The following DRD2 variants were observed in gnomAD, a reference collection of about 807,000 sequenced individuals.
DRD2 encodes D(2) dopamine receptor.
Under a neutral mutation model 38.0 loss-of-function variants are expected in DRD2, and 8 were observed. That is an observed-to-expected ratio of 0.21 (90% CI 0.12 to 0.38). The LOEUF is 0.38. Ranked by LOEUF, DRD2 falls within the 10% of genes least tolerant of loss-of-function variation. The pLI is 1.00. For synonymous variants in DRD2, 230 were observed against 238.6 expected (o/e 0.96, Z 0.33); for missense variants, 403 against 607.7 (o/e 0.66, Z 3.54).
intron 1 of DRD2, among the ~76,000 whole-genome samples, chr11:113,431,969 G>A (rs148379529): frequency 2.0e-5 from 3 of 152,228 alleles, no homozygotes; most frequent in African/African-American, 7.2e-5. Context: ...TAGAGGAGGG[G>A]ACAGGGAGTG....
intron 1 of DRD2, among the ~76,000 whole-genome samples, chr11:113,435,150 T>C (rs1193158659): frequency 6.6e-6 from 1 of 152,142 alleles, no homozygotes; most frequent in Non-Finnish European, 1.5e-5. Flanking sequence ...CCTTACCTTG[T>C]TGCAGGCCTC....
In DRD2 at chr11:113,416,957, G is replaced by A. The variant is rs1000523005; in HGVS notation, c.438C>T (p.Tyr146=). 6.2e-7 allele frequency: 1 copy of A among 1,614,044 alleles called. No homozygotes were observed. The highest frequency in any genetic ancestry group is 1.3e-5 in the African/African-American group (1 of 74,942). ...VAMPMLYNTR[Y]SSKRRVTVMI... is the part of the protein sequence containing the mutation. ...TGACGGTGACCCGGCGCTTGGAGCT[G>A]TAGCGCGTATTGTACAGCATGGGCA... The change falls in exon 4 of 8, where the codon TAC becomes TAT. Residue 146 remains tyrosine, a synonymous_variant. Coordinates refer to ENST00000362072, the MANE Select transcript of DRD2 (RefSeq NM_000795.4).
chr11:113,420,072 GTACCACTGGGCAGAAAACCAGCAC>G (rs1215491946), intron 2 of DRD2, among the ~76,000 whole-genome samples: 1 of 152,134 alleles, frequency 6.6e-6, no homozygotes, highest in Non-Finnish European at 1.5e-5. Context: ...TGCCTTTAGG[GTACCACTGGGCAGAAAACCAGCAC>G]TACCTGATTT....
At chr11:113,412,471 TC>T in intron 7 of DRD2, 84 bp downstream of exon 7, 1 of 1,527,622 alleles carries the variant, frequency 6.5e-7, no homozygotes, top group Non-Finnish European at 8.9e-7. Context: ...AGCCCCATGA[TC>T]CTGCAGCCAT....
chr11:113,461,251 C>T (rs938734604), intron 1 of DRD2, among the ~76,000 whole-genome samples: 1 of 152,180 alleles, frequency 6.6e-6, no homozygotes, highest in Non-Finnish European at 1.5e-5. Context: ...TACAGACTGG[C>T]CAGCTGGGCA....
At chr11:113,421,380 G>A (rs1226459100) in intron 2 of DRD2, among the ~76,000 whole-genome samples, 1 of 152,146 alleles carries the variant, frequency 6.6e-6, no homozygotes, top group Non-Finnish European at 1.5e-5. Flanking sequence ...ACCTCGGAGT[G>A]CTCAGTCAGT....
chr11:113,416,584 C>T (rs1950829603), intron 4 of DRD2, among the ~76,000 whole-genome samples: 1 of 152,216 alleles, frequency 6.6e-6, no homozygotes, highest in Non-Finnish European at 1.5e-5. Context: ...AACTTAATAA[C>T]CAAAGTTGAA....
At chr11:113,443,837 T>C (rs1308264000) in intron 1 of DRD2, among the ~76,000 whole-genome samples, 1 of 152,172 alleles carries the variant, frequency 6.6e-6, no homozygotes, top group Non-Finnish European at 1.5e-5. Flanking sequence ...ACCTAACTAG[T>C]TATCTAATAT....
intron 2 of DRD2, 86 bp downstream of exon 2, chr11:113,424,281 A>C: frequency 2.0e-6 from 3 of 1,469,394 alleles, no homozygotes; most frequent in Non-Finnish European, 2.8e-6. Flanking sequence ...ACTCATTGGT[A>C]AAAGCCAGTG....
At chr11:113,435,369 G>A (rs111931564) in intron 1 of DRD2, among the ~76,000 whole-genome samples, 3 of 152,088 alleles carry the variant, frequency 2.0e-5, no homozygotes, top group Non-Finnish European at 2.9e-5. Context: ...GATGCTGAGC[G>A]GGGTGGTGGC....
intron 1 of DRD2, among the ~76,000 whole-genome samples, chr11:113,430,028 G>A (rs1950972158): frequency 6.6e-6 from 1 of 152,230 alleles, no homozygotes; most frequent in Non-Finnish European, 1.5e-5. Flanking sequence ...AAGATGAAGT[G>A]ACTGTTGCTG....
intron 7 of DRD2, 66 bp downstream of exon 7, chr11:113,412,490 A>G (rs1216017074): frequency 1.3e-6 from 2 of 1,577,234 alleles, no homozygotes; most frequent in African/African-American, 2.7e-5. Flanking sequence ...CATGGTTAGG[A>G]AGGACATGGC....
intron 1 of DRD2, among the ~76,000 whole-genome samples, chr11:113,460,604 C>A (rs891301764): frequency 1.4e-4 from 21 of 152,236 alleles, no homozygotes; most frequent in African/African-American, 4.8e-4. Flanking sequence ...GGCACCCTCC[C>A]TGGCCTGTGG....
At chr11:113,435,963 T>C (rs1186651387) in intron 1 of DRD2, among the ~76,000 whole-genome samples, 1 of 152,172 alleles carries the variant, frequency 6.6e-6, no homozygotes, top group Non-Finnish European at 1.5e-5. Flanking sequence ...TAAAAGACAT[T>C]CCTGTTCATA....
intron 1 of DRD2, among the ~76,000 whole-genome samples, chr11:113,467,294 A>G (rs1413283904): frequency 6.6e-6 from 1 of 152,228 alleles, no homozygotes; most frequent in Non-Finnish European, 1.5e-5. Context: ...ATGCACATCA[A>G]TTACAAGAGA....
chr11:113,410,119 T>G lies in DRD2; in HGVS notation c.*608A>C. 1 of 164,962 alleles carries G rather than the reference T, an allele frequency of 6.1e-6. No homozygotes were observed. Among genetic ancestry groups the G allele is most frequent in the Non-Finnish European group, 1.3e-5 (1 of 75,224 alleles). 10.2% of individuals were successfully genotyped at this position (164,962 alleles called of 1,614,324 possible). ...CTTGGGGAGCTGTAACGGGGTGAGG[T>G]GGGTCCGGACTAGCCTGGAAAGTAG... On this transcript the variant is annotated 3_prime_UTR_variant, in exon 8 of 8. Coordinates refer to ENST00000362072, the MANE Select transcript of DRD2 (RefSeq NM_000795.4).
chr11:113,474,785 G>A (rs1345969250), intron 1 of DRD2, among the ~76,000 whole-genome samples: 1 of 152,034 alleles, frequency 6.6e-6, no homozygotes, highest in African/African-American at 2.4e-5. Context: ...GGCGCCCCGC[G>A]GGGAGGCTGC....
rs1951473062 is a variant in DRD2 at position 113,475,320 on chromosome 11, C to A, written c.-276G>T. On this transcript the variant is annotated 5_prime_UTR_variant, in exon 1 of 8. Transcript: ENST00000362072. Reference sequence around the variant, plus strand: ...GGGCGGGGCGGGGCGGGGCCGGGCGCGGGGCGGGCGGGCAGGAGGGAGCGC... The same window carrying A: ...GGGCGGGGCGGGGCGGGGCCGGGCGAGGGGCGGGCGGGCAGGAGGGAGCGC... The A allele has an allele frequency of 6.8e-6, 1 of 147,586 alleles. No homozygotes were observed. The highest frequency in any genetic ancestry group is 1.5e-5 in the Non-Finnish European group (1 of 66,058). 9.1% of individuals were successfully genotyped at this position (147,586 alleles called of 1,614,324 possible). A position where few individuals can be genotyped will look rare whatever the true frequency, so the allele number is the denominator to read the frequency against.
At chr11:113,473,286 A>G (rs1951447138) in intron 1 of DRD2, among the ~76,000 whole-genome samples, 1 of 152,190 alleles carries the variant, frequency 6.6e-6, no homozygotes, top group Admixed American at 6.5e-5. Flanking sequence ...TTTGGGAGGT[A>G]ATTTGCTAAT....
Sources: gnomAD v4.1 joint callset for allele counts (sites outside exome capture counted in the v4.1 genomes callset) on GRCh38, gnomAD v4.1.1 for gene constraint, MANE v1.5 for transcripts, NCBI Gene and HGNC (gene_info 2026-07-23, HGNC 2026-07-21) for gene names.